CCDC175: variants seen among roughly 807,000 people sequenced by gnomAD.
CCDC175 encodes coiled-coil domain-containing protein 175.
In CCDC175, 100 loss-of-function variants were observed where a neutral mutation model predicts 114.6. The observed-to-expected ratio is 0.87, with a 90% CI of 0.74 to 1.03. The LOEUF is 1.03. Ranked by LOEUF, CCDC175 falls within the 50% of genes least tolerant of loss-of-function variation. CCDC175 has a pLI of 0.00. For missense variants in CCDC175, 880 were observed against 917.8 expected, an observed-to-expected ratio of 0.96 and a Z score of 0.53; for synonymous variants, 306 against 308.7, an observed-to-expected ratio of 0.99 and a Z score of 0.09.
intron 17 of CCDC175, among the ~76,000 whole-genome samples, chr14:59,517,261 A>T (rs1278133578): frequency 6.6e-6 from 1 of 152,240 alleles, no homozygotes; most frequent in East Asian, 1.9e-4. Context: ...AACTGGTACA[A>T]GACAGGGATG....
intron 7 of CCDC175, among the ~76,000 whole-genome samples, chr14:59,558,172 G>A (rs1896026021): frequency 6.6e-6 from 1 of 152,164 alleles, no homozygotes; most frequent in Admixed American, 6.6e-5. Flanking sequence ...AGCTTGGTGT[G>A]TTCGAGGAAG....
intron 5 of CCDC175, 23 bp from the exon 6 acceptor site, chr14:59,563,882 C>A: frequency 7.4e-7 from 1 of 1,357,882 alleles, no homozygotes; most frequent in South Asian, 1.8e-5. Context: ...GCATAAGAAA[C>A]CAATTTAAAA....
chr14:59,556,146 T>C (rs895058070), intron 7 of CCDC175, among the ~76,000 whole-genome samples: 3 of 152,124 alleles, frequency 2.0e-5, no homozygotes, highest in East Asian at 1.9e-4. Flanking sequence ...AGAGCCCGCA[T>C]CACCAAGTCA....
In CCDC175 at chr14:59,545,151, G is replaced by C; in HGVS notation, c.1172+12C>G. ...ATGGCATGTTGAATCACACGTGTGG[G>C]TAAAGACATACTCATCATGAATCTT... On this transcript the variant is annotated intron_variant, in intron 9 of 19. Coordinates refer to ENST00000537690, the MANE Select transcript of CCDC175 (RefSeq NM_001164399.2). The C allele has an allele frequency of 6.5e-7, 1 of 1,535,004 alleles. No homozygotes were observed.
At chr14:59,572,680 G>C in intron 3 of CCDC175, 22 bp downstream of exon 3, 2 of 1,266,338 alleles carry the variant, frequency 1.6e-6, no homozygotes, top group African/African-American at 1.5e-5. Flanking sequence ...TAAATTTCTA[G>C]AGTTGATAAC....
chr14:59,564,304 A>G, intron 5 of CCDC175: 1 of 153,034 alleles, frequency 6.5e-6, no homozygotes. Flanking sequence ...CTAAACACAG[A>G]GTAAACAAAA....
chr14:59,512,704 A>G (rs1892822170), intron 17 of CCDC175, among the ~76,000 whole-genome samples: 1 of 152,180 alleles, frequency 6.6e-6, no homozygotes, highest in African/African-American at 2.4e-5. Context: ...ATGGAGATAA[A>G]TACTATATTC....
chr14:59,525,555 G>A, intron 15 of CCDC175, 121 bp from the exon 16 acceptor site: 1 of 653,524 alleles, frequency 1.5e-6, no homozygotes, highest in African/African-American at 1.9e-5. Flanking sequence ...ATCCAGCAGA[G>A]GATAGATATT....
intron 15 of CCDC175, among the ~76,000 whole-genome samples, chr14:59,525,902 A>G (rs2139992732): frequency 6.6e-6 from 1 of 152,330 alleles, no homozygotes; most frequent in Admixed American, 6.5e-5. Flanking sequence ...ATATGCAAAT[A>G]CTACATCATG....
At chr14:59,517,004 G>T (rs1893132658) in intron 17 of CCDC175, among the ~76,000 whole-genome samples, 2 of 152,168 alleles carry the variant, frequency 1.3e-5, no homozygotes, top group South Asian at 2.1e-4. Flanking sequence ...GGGATGCAAG[G>T]CTGGTTCAAC....
intron 13 of CCDC175, 46 bp downstream of exon 13, chr14:59,537,977 T>C (rs1382219158): frequency 2.9e-6 from 4 of 1,361,656 alleles, no homozygotes; most frequent in Non-Finnish European, 4.0e-6. Context: ...CCCCTCCCCC[T>C]CATGTAGTCA....
chr14:59,547,202 G>T (rs1204005286), intron 8 of CCDC175, among the ~76,000 whole-genome samples: 1 of 152,194 alleles, frequency 6.6e-6, no homozygotes, highest in Non-Finnish European at 1.5e-5. Flanking sequence ...ACATCATAGT[G>T]CAACTGAACA....
At chr14:59,511,664 G>T in intron 18 of CCDC175, 96 bp downstream of exon 18, 1 of 989,878 alleles carries the variant, frequency 1.0e-6, no homozygotes, top group African/African-American at 1.6e-5. Flanking sequence ...GCATGCAGGT[G>T]CACACAGACA....
intron 10 of CCDC175, among the ~76,000 whole-genome samples, chr14:59,542,594 G>A (rs1460973878): frequency 1.3e-5 from 2 of 151,956 alleles, no homozygotes; most frequent in Admixed American, 6.6e-5. Context: ...ATAGTATAAT[G>A]TGTATTATAC....
At chr14:59,568,428 A>T in intron 3 of CCDC175, 48 bp from the exon 4 acceptor site, 1 of 1,374,176 alleles carries the variant, frequency 7.3e-7, no homozygotes, top group Non-Finnish European at 9.5e-7. Flanking sequence ...GAAAAGCACA[A>T]CTGTAGATAC....
chr14:59,553,657 G>A (rs1354437830), intron 7 of CCDC175, among the ~76,000 whole-genome samples: 2 of 152,132 alleles, frequency 1.3e-5, no homozygotes, highest in Admixed American at 6.6e-5. Context: ...CCAATTAAAA[G>A]ACACAGACTG....
At chr14:59,512,151 CA>C (rs1594974841) in intron 17 of CCDC175, among the ~76,000 whole-genome samples, 1 of 152,278 alleles carries the variant, frequency 6.6e-6, no homozygotes, top group East Asian at 1.9e-4. Flanking sequence ...AACACAGACA[CA>C]AAAAGATTAG....
At chr14:59,532,877 T>G (rs1166953569) in intron 13 of CCDC175, among the ~76,000 whole-genome samples, 1 of 152,338 alleles carries the variant, frequency 6.6e-6, no homozygotes, top group Non-Finnish European at 1.5e-5. Context: ...TCTTCCCGAC[T>G]AGATGTTCAG....
At position 59,505,152 on chromosome 14, in the gene CCDC175, A is replaced by C; in HGVS notation, c.*87T>G. 1.7e-6 allele frequency: 1 copy of C among 588,138 alleles called. No homozygotes were observed. Among genetic ancestry groups the C allele is most frequent in the South Asian group, 3.5e-5 (1 of 28,610 alleles). The allele number at this position is 588,138 out of a possible 1,614,324, so 36.4% of individuals were successfully genotyped here. On this transcript the variant is annotated 3_prime_UTR_variant, in exon 20 of 20. Transcript: ENST00000537690. ...TAAATTTTAAATGTTTAAGACTTCTATTAACAGCTGCAAAATATGAAAGTA... is the reference window on the plus strand; with the variant it reads ...TAAATTTTAAATGTTTAAGACTTCTCTTAACAGCTGCAAAATATGAAAGTA...
Sources: allele counts gnomAD v4.1 joint callset (sites outside exome capture counted in the v4.1 genomes callset), GRCh38; gene constraint gnomAD v4.1.1; transcripts MANE v1.5; gene names NCBI Gene and HGNC (gene_info 2026-07-23, HGNC 2026-07-21).